The following PPM1D variants were observed in gnomAD, a reference collection of about 807,000 sequenced individuals.
PPM1D encodes protein phosphatase, Mg2+/Mn2+ dependent 1D.
Under a neutral mutation model 58.3 loss-of-function variants are expected in PPM1D, and 52 were observed. That is an observed-to-expected ratio of 0.89 (90% CI 0.71 to 1.12). PPM1D has a LOEUF of 1.12. Ranked by LOEUF, PPM1D falls within the 50% of genes most tolerant of loss-of-function variation. PPM1D has a pLI of 0.00. For missense variants in PPM1D, 564 were observed against 777.2 expected, an observed-to-expected ratio of 0.73 and a Z score of 3.26; for synonymous variants, 278 against 285.1, an observed-to-expected ratio of 0.98 and a Z score of 0.25.
intron 4 of PPM1D, among the ~76,000 whole-genome samples, chr17:60,653,097 CA>C (rs1377520751): frequency 6.6e-6 from 1 of 152,072 alleles, no homozygotes; most frequent in Non-Finnish European, 1.5e-5. Context: ...AGCGTTTCTC[CA>C]ATGTTGTTTT....
chr17:60,619,029 A>G (rs2030642514), intron 1 of PPM1D, among the ~76,000 whole-genome samples: 1 of 152,068 alleles, frequency 6.6e-6, no homozygotes, highest in African/African-American at 2.4e-5. Context: ...TGTTTGACCA[A>G]CATCTCCCCA....
At chr17:60,604,064 T>C (rs368657279) in intron 1 of PPM1D, among the ~76,000 whole-genome samples, 1 of 152,254 alleles carries the variant, frequency 6.6e-6, no homozygotes, top group African/African-American at 2.4e-5. Flanking sequence ...TTTTGTACTT[T>C]GAACGAATCT....
chr17:60,645,912 G>A (rs2031243142), intron 3 of PPM1D, among the ~76,000 whole-genome samples: 1 of 151,982 alleles, frequency 6.6e-6, no homozygotes, highest in Non-Finnish European at 1.5e-5. Flanking sequence ...GGGAACCGAG[G>A]TGGGAGGATT....
intron 1 of PPM1D, among the ~76,000 whole-genome samples, chr17:60,615,841 A>G (rs1285159533): frequency 6.6e-6 from 1 of 151,774 alleles, no homozygotes; most frequent in Non-Finnish European, 1.5e-5. Flanking sequence ...TTTAAGCGAC[A>G]GGATCTCTGT....
At chr17:60,652,550 G>GTTTTTTTTTTTTTTT (rs776162517) in intron 4 of PPM1D, among the ~76,000 whole-genome samples, 5 of 67,632 alleles carry the variant, frequency 7.4e-5, no homozygotes, top group African/African-American at 1.8e-4. Context: ...GTTTACTTCT[G>GTTTTTTTTTTTTTTT]TTTTTTTTTT....
Position 60,619,001 on chromosome 17 carries a change from A to C in PPM1D, c.473-4520A>C, listed in dbSNP as rs530966877. On this transcript the variant is annotated intron_variant, in intron 1 of 5. Coordinates refer to ENST00000305921, the MANE Select transcript of PPM1D (RefSeq NM_003620.4). ...TACATTAGATACTAAGAACTTACTC[A>C]TAATGGGAAGTTTGTGCTGTTTGAC... Among the ~76,000 whole-genome samples the C allele has an allele frequency of 2.0e-5, 3 of 152,340 alleles. No individual in the cohort carries two copies. In the South Asian group the frequency reaches 6.2e-4, roughly 32 times the overall value.
chr17:60,657,009 G>A (rs1465507947), intron 5 of PPM1D, 168 bp downstream of exon 5: 2 of 1,541,216 alleles, frequency 1.3e-6, no homozygotes, highest in African/African-American at 1.4e-5. Context: ...ATACTAATCT[G>A]AATGCCAGCC....
chr17:60,634,126 C>T (rs1598406775), intron 3 of PPM1D, 149 bp downstream of exon 3: 8 of 952,098 alleles, frequency 8.4e-6, no homozygotes, highest in Non-Finnish European at 1.2e-5. Flanking sequence ...AGAACCTAAT[C>T]GAAGCCATGC....
chr17:60,626,401 T>C (rs561096262), intron 2 of PPM1D, among the ~76,000 whole-genome samples: 33 of 137,254 alleles, frequency 2.4e-4, no homozygotes, highest in African/African-American at 8.9e-4. Context: ...GTTTTTTTTG[T>C]TTTTTTTTTT....
intron 1 of PPM1D, among the ~76,000 whole-genome samples, chr17:60,611,503 C>G (rs1349313566): frequency 6.6e-6 from 1 of 151,846 alleles, no homozygotes; most frequent in African/African-American, 2.4e-5. Flanking sequence ...GATCTTGGCT[C>G]TGCCTCCTAG....
intron 3 of PPM1D, 71 bp from the exon 4 acceptor site, chr17:60,647,821 T>C (rs1210613776): frequency 7.0e-7 from 1 of 1,433,586 alleles, no homozygotes; most frequent in Admixed American, 2.0e-5. Flanking sequence ...AGATTTTCTC[T>C]TTTAATCTGT....
chr17:60,619,747 T>A (rs1259950105), intron 1 of PPM1D, among the ~76,000 whole-genome samples: 1 of 151,916 alleles, frequency 6.6e-6, no homozygotes, highest in Non-Finnish European at 1.5e-5. Flanking sequence ...ACTACAGATG[T>A]GTGCTACCAT....
At chr17:60,629,929 A>G (rs1172763444) in intron 2 of PPM1D, among the ~76,000 whole-genome samples, 4 of 152,010 alleles carry the variant, frequency 2.6e-5, no homozygotes, top group Non-Finnish European at 4.4e-5. Flanking sequence ...AATCCCAGCT[A>G]CTCGGGAGGC....
At chr17:60,635,182 A>G (rs2143677669) in intron 3 of PPM1D, among the ~76,000 whole-genome samples, 1 of 151,938 alleles carries the variant, frequency 6.6e-6, no homozygotes, top group African/African-American at 2.4e-5. Flanking sequence ...ATTATGAAAA[A>G]TACTGCAATA....
At chr17:60,632,116 C>G (rs1296871561) in intron 2 of PPM1D, among the ~76,000 whole-genome samples, 2 of 151,986 alleles carry the variant, frequency 1.3e-5, no homozygotes, top group East Asian at 3.9e-4. Context: ...ATGGCATGAA[C>G]CCGGGAGGCG....
At position 60,663,038 on chromosome 17, in the gene PPM1D, A is replaced by G. The variant is rs1413528897; in HGVS notation, c.1304A>G (p.His435Arg). 3.7e-6 allele frequency: 6 copies of G among 1,613,998 alleles called. No homozygotes were observed. In the Admixed American group the frequency reaches 8.3e-5, roughly 22 times the overall value. Residue 435 changes from histidine to arginine, a missense_variant, in exon 6 of 6, where the codon CAT (histidine) becomes CGT (arginine). Coordinates refer to ENST00000305921, the MANE Select transcript of PPM1D (RefSeq NM_003620.4). ...TGGCCAAGGGTGAATTCTAAGGACC[A>G]TATACCTGCCCTGGTTCGTAGCAAT... ...DPWPRVNSKD[H>R]IPALVRSNAF... is the part of the protein sequence containing the mutation.
At chr17:60,605,069 G>A (rs2030301901) in intron 1 of PPM1D, among the ~76,000 whole-genome samples, 1 of 152,172 alleles carries the variant, frequency 6.6e-6, no homozygotes, top group Admixed American at 6.5e-5. Flanking sequence ...TGATCCATCT[G>A]CCTCGGCCTC....
chr17:60,600,549 G>A lies in PPM1D; in HGVS notation c.135G>A (p.Leu45=). 1.9e-6 allele frequency: 3 copies of A among 1,553,580 alleles called. No individual in the cohort carries two copies. The highest frequency in any genetic ancestry group is 2.6e-6 in the Non-Finnish European group (3 of 1,148,954). The change falls in exon 1 of 6, where the codon CTG becomes CTA. Residue 45 remains leucine, a synonymous_variant. Coordinates refer to ENST00000305921, the MANE Select transcript of PPM1D (RefSeq NM_003620.4). Reference sequence around the variant, plus strand: ...AAAAGCCCTCGCCGCGGCGGTCGCTGTCTCAGCCGTTGCCTCCGCGGCCGT... The same window carrying A: ...AAAAGCCCTCGCCGCGGCGGTCGCTATCTCAGCCGTTGCCTCCGCGGCCGT... ...AEEKPSPRRS[L]SQPLPPRPSP...
chr17:60,602,106 T>C (rs1413755627), intron 1 of PPM1D, among the ~76,000 whole-genome samples: 3 of 152,218 alleles, frequency 2.0e-5, no homozygotes, highest in African/African-American at 7.2e-5. Context: ...AAGAGTTAGT[T>C]GATTGACTCA....
Sources: gnomAD v4.1 joint callset for allele counts (sites outside exome capture counted in the v4.1 genomes callset) on GRCh38, gnomAD v4.1.1 for gene constraint, MANE v1.5 for transcripts, NCBI Gene and HGNC (gene_info 2026-07-23, HGNC 2026-07-21) for gene names.